Variants in ADGRD1 observed in about 807,000 individuals in gnomAD.
The protein encoded by ADGRD1 is G-protein coupled receptor 133.
A neutral mutation model predicts 113.4 loss-of-function variants in ADGRD1; 77 were observed. The observed-to-expected ratio is 0.68, with a 90% CI of 0.57 to 0.82. The LOEUF is 0.82. ADGRD1 is among the 40% of genes least tolerant of loss of function. The pLI, the probability that ADGRD1 is intolerant of heterozygous loss-of-function variation, is 0.00. For synonymous variants in ADGRD1, 474 were observed against 475.0 expected, an observed-to-expected ratio of 1.00 and a Z score of 0.03; for missense variants, 1,036 against 1,139.1, an observed-to-expected ratio of 0.91 and a Z score of 1.30.
intron 18 of ADGRD1, among the ~76,000 whole-genome samples, chr12:131,112,397 T>C (rs1950366886): frequency 6.6e-6 from 1 of 152,202 alleles, no homozygotes; most frequent in Non-Finnish European, 1.5e-5. Context: ...TCTGATTAAA[T>C]CCAGGCCCCT....
At chr12:130,990,891 C>CCAA in intron 6 of ADGRD1, 123 bp from the exon 7 acceptor site, 1 of 692,378 alleles carries the variant, frequency 1.4e-6, no homozygotes, top group South Asian at 1.9e-5. Context: ...CATTCCTACT[C>CCAA]AAAACATTCT....
intron 13 of ADGRD1, among the ~76,000 whole-genome samples, chr12:131,028,816 C>T (rs1008280561): frequency 2.6e-5 from 4 of 152,236 alleles, no homozygotes; most frequent in African/African-American, 9.6e-5. Context: ...GCAACTGCCA[C>T]GTCCTATGCC....
intron 13 of ADGRD1, among the ~76,000 whole-genome samples, chr12:131,038,782 T>C (rs1220488005): frequency 6.6e-6 from 1 of 152,216 alleles, no homozygotes; most frequent in Non-Finnish European, 1.5e-5. Context: ...GCAAACCTGA[T>C]GTGATGGGTC....
rs918229893 is a variant in ADGRD1 at position 130,969,117 on chromosome 12, T to A, written c.188-2341T>A. The A allele has an allele frequency of 5.3e-6, 6 of 1,136,682 alleles. No individual in the cohort carries two copies. The African/African-American group carries it at 9.2e-5, about 17-fold the overall frequency. The allele number at this position is 1,136,682 out of a possible 1,614,324, so 70.4% of individuals were successfully genotyped here. On this transcript the variant is annotated intron_variant, in intron 3 of 24. Transcript: ENST00000261654. ...TGTTCTTCGTTCTGTCAAGTTTGGA[T>A]CTACGATGAATTCTAAGGCCAATTC...
chr12:131,140,071 G>A lies in ADGRD1; in HGVS notation c.*808G>A, dbSNP rs368446271. ...GTTTTGCCTCTTTGGACCCCAATTC[G>A]GCCTTAAGATGCCCTCCTCCCTCGT... On this transcript the variant is annotated 3_prime_UTR_variant, in exon 25 of 25. Coordinates refer to ENST00000261654, the MANE Select transcript of ADGRD1 (RefSeq NM_198827.5). 6.6e-6 allele frequency: 1 copy of A among 152,242 alleles called. No homozygotes were observed. Among genetic ancestry groups the A allele is most frequent in the Non-Finnish European group, 1.5e-5 (1 of 68,104 alleles). The allele number at this position is 152,242 out of a possible 1,614,324, so 9.4% of individuals were successfully genotyped here.
chr12:131,033,203 T>A (rs1880995326), intron 13 of ADGRD1, among the ~76,000 whole-genome samples: 1 of 146,116 alleles, frequency 6.8e-6, no homozygotes, highest in South Asian at 2.3e-4. Flanking sequence ...GCAGGGCCGT[T>A]GGGTGGGTCC....
rs950253347 is a variant in ADGRD1 at position 131,124,344 on chromosome 12, G to A, written c.2175+3431G>A. Among the ~76,000 whole-genome samples the A allele has an allele frequency of 4.6e-5, 7 of 152,340 alleles. No individual in the cohort carries two copies. The East Asian group carries it at 1.3e-3, about 29-fold the overall frequency. On this transcript the variant is annotated intron_variant, in intron 20 of 24. Coordinates refer to ENST00000261654, the MANE Select transcript of ADGRD1 (RefSeq NM_198827.5). Reference sequence around the variant, plus strand: ...ATATAACTGAATAAGAAAATGCCCAGACAGATGCACACAAAATAATGGTTC... The same window carrying A: ...ATATAACTGAATAAGAAAATGCCCAAACAGATGCACACAAAATAATGGTTC...
intron 15 of ADGRD1, among the ~76,000 whole-genome samples, chr12:131,102,954 C>T (rs1363914418): frequency 1.3e-5 from 2 of 152,232 alleles, no homozygotes; most frequent in Admixed American, 1.3e-4. Context: ...AGTTCCCTCT[C>T]ATCCTCAGGG....
At chr12:131,000,509 A>G in intron 9 of ADGRD1, 67 bp downstream of exon 9, 2 of 1,240,656 alleles carry the variant, frequency 1.6e-6, no homozygotes, top group Non-Finnish European at 2.4e-6. Context: ...TGGGAGGCCA[A>G]GGCGGGTGGA....
chr12:131,103,434 A>G (rs1950142631), intron 15 of ADGRD1, among the ~76,000 whole-genome samples: 1 of 152,254 alleles, frequency 6.6e-6, no homozygotes, highest in Non-Finnish European at 1.5e-5. Flanking sequence ...AGCCCCACGC[A>G]CCCAGGAATC....
At chr12:131,110,361 T>G (rs1950323195) in intron 18 of ADGRD1, among the ~76,000 whole-genome samples, 1 of 152,276 alleles carries the variant, frequency 6.6e-6, no homozygotes, top group South Asian at 2.1e-4. Flanking sequence ...TTTCACTTTT[T>G]TTTTTTGGTT....
chr12:131,059,261 C>A (rs918568432), intron 13 of ADGRD1, among the ~76,000 whole-genome samples: 3 of 152,122 alleles, frequency 2.0e-5, no homozygotes, highest in African/African-American at 7.2e-5. Flanking sequence ...CTGCAGCCAG[C>A]CCCCCAGGTT....
At chr12:131,006,176 G>T (rs188309983) in intron 12 of ADGRD1, 129 bp downstream of exon 12, 5 of 759,438 alleles carry the variant, frequency 6.6e-6, no homozygotes, top group South Asian at 4.6e-5. Context: ...GCGCTTCACT[G>T]CTCGGGCAAG....
chr12:131,100,324 G>C (rs1950041061), intron 15 of ADGRD1, among the ~76,000 whole-genome samples: 1 of 151,820 alleles, frequency 6.6e-6, no homozygotes, highest in Non-Finnish European at 1.5e-5. Context: ...ATGATGGGTT[G>C]GTTGATGGCA....
intron 20 of ADGRD1, among the ~76,000 whole-genome samples, chr12:131,128,040 GT>G (rs1485191919): frequency 1.5e-4 from 19 of 124,030 alleles, no homozygotes; most frequent in Admixed American, 3.0e-4. Flanking sequence ...TGGGGTGTTG[GT>G]TGGGTTGGTT....
At chr12:130,967,140 G>T in intron 3 of ADGRD1, 1 of 420,298 alleles carries the variant, frequency 2.4e-6, no homozygotes, top group Non-Finnish European at 5.0e-6. Flanking sequence ...TGATGAAGCA[G>T]ATGTCAAAGG....
chr12:131,042,603 T>G (rs1334610663), intron 13 of ADGRD1, among the ~76,000 whole-genome samples: 2 of 152,238 alleles, frequency 1.3e-5, no homozygotes, highest in East Asian at 1.9e-4. Context: ...TAAAGGAAAC[T>G]CCCACCAGGT....
intron 13 of ADGRD1, among the ~76,000 whole-genome samples, chr12:131,045,316 G>A (rs761456475): frequency 6.6e-6 from 1 of 152,200 alleles, no homozygotes; most frequent in Non-Finnish European, 1.5e-5. Flanking sequence ...GACAGTGTTC[G>A]GGAGGCAGGG....
At chr12:131,019,846 C>A (rs1725800) in intron 13 of ADGRD1, among the ~76,000 whole-genome samples, 2 of 58,890 alleles carry the variant, frequency 3.4e-5, no homozygotes, top group African/African-American at 1.0e-4. Context: ...GGCAGGACCC[C>A]GAGCTCCGTC....
Sources: allele counts gnomAD v4.1 joint callset (sites outside exome capture counted in the v4.1 genomes callset), GRCh38; gene constraint gnomAD v4.1.1; transcripts MANE v1.5; gene names NCBI Gene and HGNC (gene_info 2026-07-23, HGNC 2026-07-21).